The following OR2L13 variants were observed in gnomAD, a reference collection of about 807,000 sequenced individuals.
The protein encoded by OR2L13 is olfactory receptor 2L13.
OR2L13 carries 14 observed loss-of-function variants against 15.3 expected under a neutral mutation model. The ratio of observed to expected loss-of-function variants is 0.91; its 90% CI spans 0.60 to 1.43. The LOEUF is 1.43. Among genes scored for constraint, OR2L13 ranks in the 40% most tolerant of loss-of-function variants. The pLI is 0.00. For missense variants in OR2L13, 367 were observed against 387.9 expected (o/e 0.95, Z 0.45); for synonymous variants, 152 against 142.9 (o/e 1.06, Z -0.45).
At chr1:247,982,657 A>G in the OR2L13 span, among the ~76,000 whole-genome samples, 1 of 152,190 alleles carries the variant, frequency 6.6e-6, no homozygotes, top group Non-Finnish European at 1.5e-5. Flanking sequence ...TATTGGGAAC[A>G]AGACAGAAAT....
the OR2L13 span, among the ~76,000 whole-genome samples, chr1:247,997,749 A>G: frequency 6.6e-6 from 1 of 152,216 alleles, no homozygotes; most frequent in East Asian, 1.9e-4. Context: ...ATACATTATC[A>G]GAACTCATTT....
At chr1:248,094,296 C>A (rs1664668492), upstream of OR2L13, among the ~76,000 whole-genome samples, 1 of 151,946 alleles carries the variant, frequency 6.6e-6, no homozygotes, top group South Asian at 2.1e-4. Flanking sequence ...TAAAATATAG[C>A]AGTTAGTGCC....
the OR2L13 span, among the ~76,000 whole-genome samples, chr1:247,942,890 C>T: frequency 2.0e-5 from 3 of 150,966 alleles, no homozygotes; most frequent in Non-Finnish European, 4.4e-5. Context: ...TCTCCCTTCT[C>T]CCATTCCCTG....
the OR2L13 span, among the ~76,000 whole-genome samples, chr1:248,085,646 AAAG>A: frequency 6.6e-6 from 1 of 152,188 alleles, no homozygotes; most frequent in South Asian, 2.1e-4. Flanking sequence ...CATGGGAAAA[AAAG>A]AATCATTTCT....
chr1:248,100,342 T>G (rs1453111393), exon 3 of OR2L13: 3 of 1,364,154 alleles, frequency 2.2e-6, no homozygotes, highest in South Asian at 1.2e-5. Context: ...CCCTTTGTAT[T>G]TCCTCTTTCC....
the OR2L13 span, among the ~76,000 whole-genome samples, chr1:248,067,697 CCTCA>C: frequency 6.6e-5 from 10 of 152,236 alleles, no homozygotes; most frequent in African/African-American, 2.4e-4. Context: ...CAAGGCATTG[CCTCA>C]CTCAGGAAGC....
chr1:248,099,973 G>GT lies in OR2L13; in HGVS notation c.599dup (p.Ser201LysfsTer69), dbSNP rs1333572963. The GT allele has an allele frequency of 2.5e-6, 4 of 1,613,920 alleles. No individual in the cohort carries two copies. Among genetic ancestry groups the GT allele is most frequent in the African/African-American group, 2.7e-5 (2 of 74,864 alleles). Reference sequence around the variant, plus strand: ...TTGGGTCTATGAATATATGGTTTTTGTAAGTACAAGCCTCTTTCTCCTTTT... The same window carrying GT: ...TTGGGTCTATGAATATATGGTTTTTGTTAAGTACAAGCCTCTTTCTCCTTTT... On this transcript the variant is annotated frameshift_variant, in exon 3 of 3. Coordinates refer to ENST00000641714, the Ensembl canonical transcript of OR2L13. LOFTEE classifies it high-confidence loss of function.
chr1:247,991,651 C>T, the OR2L13 span, among the ~76,000 whole-genome samples: 8 of 149,366 alleles, frequency 5.4e-5, 1 homozygote, highest in South Asian at 6.3e-4. Flanking sequence ...ATGTTTCCCT[C>T]GTGAGTAGCC....
At chr1:248,043,028 C>T in the OR2L13 span, among the ~76,000 whole-genome samples, 1 of 152,096 alleles carries the variant, frequency 6.6e-6, no homozygotes, top group Non-Finnish European at 1.5e-5. Flanking sequence ...CCAATATGTG[C>T]TTGATAATGA....
chr1:247,947,557 C>A, the OR2L13 span, among the ~76,000 whole-genome samples: 120,982 of 152,168 alleles, frequency 0.8, 52,483 homozygotes, highest in South Asian at 0.95. Flanking sequence ...TAGGCAATTG[C>A]ATGCTCCTCC....
At chr1:247,956,746 G>T in the OR2L13 span, among the ~76,000 whole-genome samples, 1 of 151,890 alleles carries the variant, frequency 6.6e-6, no homozygotes, top group South Asian at 2.1e-4. Context: ...CTCTCTGTTT[G>T]TCTGTTATTC....
At chr1:247,967,827 G>T in the OR2L13 span, among the ~76,000 whole-genome samples, 1 of 151,620 alleles carries the variant, frequency 6.6e-6, no homozygotes, top group African/African-American at 2.4e-5. Flanking sequence ...CTAACCAGTT[G>T]TAAGTTCTCC....
Position 248,100,056 on chromosome 1 carries a change from G to A in OR2L13, c.681G>A (p.Met227Ile), listed in dbSNP as rs746080765. The A allele has an allele frequency of 1.9e-6, 3 of 1,613,898 alleles. No individual in the cohort carries two copies. The African/African-American group carries it at 4.0e-5, about 22-fold the overall frequency. ...GAGTCCTATTTGCTGTCTATCATATGCACTCAAAGGAGGGGAGAAAAAAGG... is the reference window on the plus strand; with the variant it reads ...GAGTCCTATTTGCTGTCTATCATATACACTCAAAGGAGGGGAGAAAAAAGG... Residue 227 changes from methionine to isoleucine, a missense_variant, in exon 3 of 3, where the codon ATG becomes ATA. Physicochemically the swap from Met to Ile is conservative, Grantham distance 10 (BLOSUM62 1). Transcript: ENST00000641714.
chr1:248,022,770 G>A, the OR2L13 span: 2 of 1,613,882 alleles, frequency 1.2e-6, no homozygotes, highest in Admixed American at 1.7e-5. Context: ...GGTTCTGGCT[G>A]TTTTCTACAC....
the OR2L13 span, among the ~76,000 whole-genome samples, chr1:248,034,621 C>T: frequency 6.6e-6 from 1 of 152,022 alleles, no homozygotes; most frequent in African/African-American, 2.4e-5. Flanking sequence ...AATGTATTTC[C>T]ATTTATCTGT....
the OR2L13 span, among the ~76,000 whole-genome samples, chr1:248,036,050 T>A: frequency 6.6e-6 from 1 of 152,190 alleles, no homozygotes; most frequent in African/African-American, 2.4e-5. Flanking sequence ...AATATTTTAC[T>A]AAAAATATTT....
the OR2L13 span, chr1:248,038,191 C>G: frequency 2.9e-6 from 3 of 1,027,388 alleles, no homozygotes; most frequent in Non-Finnish European, 4.4e-6. Context: ...TGTAATGCAG[C>G]CACTGTGGAT....
At chr1:248,078,620 T>C in the OR2L13 span, among the ~76,000 whole-genome samples, 1 of 152,178 alleles carries the variant, frequency 6.6e-6, no homozygotes, top group Non-Finnish European at 1.5e-5. Context: ...CCTGGATCGT[T>C]ATCCTAGAGA....
the OR2L13 span, among the ~76,000 whole-genome samples, chr1:248,001,567 AAAAT>A: frequency 6.6e-6 from 1 of 152,030 alleles, no homozygotes; most frequent in Non-Finnish European, 1.5e-5. Context: ...GTAAATAAAA[AAAAT>A]AATAAAAGGA....
Sources: allele counts gnomAD v4.1 joint callset (sites outside exome capture counted in the v4.1 genomes callset), GRCh38; gene constraint gnomAD v4.1.1; transcripts MANE v1.5; gene names NCBI Gene and HGNC (gene_info 2026-07-23, HGNC 2026-07-21).